RIMBP2: variants seen among roughly 807,000 people sequenced by gnomAD.
The protein encoded by RIMBP2 is RIMS binding protein 2, also known as RIMS-binding protein 2.
Under a neutral mutation model 118.6 loss-of-function variants are expected in RIMBP2, and 48 were observed. The observed-to-expected ratio is 0.40, with a 90% CI of 0.32 to 0.51. The LOEUF (loss-of-function observed/expected upper bound fraction) is 0.51. RIMBP2 is among the 20% of genes least tolerant of loss of function. RIMBP2 has a pLI of 0.41. For missense variants in RIMBP2, 1,551 were observed against 1,768.3 expected, an observed-to-expected ratio of 0.88 and a Z score of 2.20; for synonymous variants, 762 against 742.9, an observed-to-expected ratio of 1.03 and a Z score of -0.42.
At chr12:130,598,165 A>G (rs189977388) in intron 2 of RIMBP2, among the ~76,000 whole-genome samples, 16 of 152,384 alleles carry the variant, frequency 1.0e-4, no homozygotes, top group Admixed American at 2.0e-4. Flanking sequence ...ATCTACAGGC[A>G]CACTTGACAA....
chr12:130,594,419 A>T (rs1159867465), intron 2 of RIMBP2, among the ~76,000 whole-genome samples: 1 of 152,260 alleles, frequency 6.6e-6, no homozygotes, highest in Admixed American at 6.5e-5. Context: ...ATTGCATTGC[A>T]CATAGAAGAG....
intron 2 of RIMBP2, among the ~76,000 whole-genome samples, chr12:130,544,596 C>CTTTTTTTTT: frequency 9.9e-6 from 1 of 100,526 alleles, no homozygotes; most frequent in Non-Finnish European, 1.8e-5. Context: ...AACTGGAGGC[C>CTTTTTTTTT]TTTTTTTTTT....
chr12:130,647,400 AAAC>A (rs2063039416), intron 1 of RIMBP2, among the ~76,000 whole-genome samples: 1 of 109,360 alleles, frequency 9.1e-6, no homozygotes, highest in South Asian at 2.3e-4. Flanking sequence ...TAGCAGCTTA[AAAC>A]AACAGCCAAG....
At chr12:130,569,951 T>C (rs908242788) in intron 2 of RIMBP2, among the ~76,000 whole-genome samples, 50 of 152,162 alleles carry the variant, frequency 3.3e-4, no homozygotes, top group African/African-American at 1.0e-3. Flanking sequence ...AATGAACTCA[T>C]TGGAAACCTA....
intron 2 of RIMBP2, among the ~76,000 whole-genome samples, chr12:130,545,315 A>T (rs1033758881): frequency 6.6e-6 from 1 of 152,202 alleles, no homozygotes; most frequent in Non-Finnish European, 1.5e-5. Context: ...AACACATGAA[A>T]TGTGGCTGTC....
intron 18 of RIMBP2, 67 bp downstream of exon 18, chr12:130,414,058 C>G: frequency 6.6e-7 from 1 of 1,520,728 alleles, no homozygotes. Context: ...TGTTGCCAGT[C>G]TCTGCCCCCA....
At chr12:130,641,609 G>A (rs2062626964) in intron 1 of RIMBP2, among the ~76,000 whole-genome samples, 1 of 152,250 alleles carries the variant, frequency 6.6e-6, no homozygotes, top group Admixed American at 6.5e-5. Flanking sequence ...CTCATGGGCA[G>A]AGAGCCCCTC....
intron 2 of RIMBP2, among the ~76,000 whole-genome samples, chr12:130,529,969 G>C (rs892247588): frequency 1.3e-5 from 2 of 152,180 alleles, no homozygotes; most frequent in Non-Finnish European, 2.9e-5. Flanking sequence ...GTTCCTAACA[G>C]GCCACAGACC....
rs182247393 is a variant in RIMBP2, at chr12:130,420,541, G to C, written c.3238+1912C>G. Among the ~76,000 whole-genome samples the C allele has an allele frequency of 1.3e-5, 2 of 152,052 alleles. No homozygotes were observed. The highest frequency in any genetic ancestry group is 2.9e-5 in the Non-Finnish European group (2 of 68,020). Reference sequence around the variant, plus strand: ...ATCAAAAGTAGTTTCATTTGGGAAGGGTTTTTATGATACTAATAAAACTTT... The same window carrying C: ...ATCAAAAGTAGTTTCATTTGGGAAGCGTTTTTATGATACTAATAAAACTTT... On this transcript the variant is annotated intron_variant, in intron 17 of 22. Transcript: ENST00000690449. The surrounding 1 kb of genome is among the most constrained non-coding windows in gnomAD (Gnocchi z 4.3).
intron 15 of RIMBP2, chr12:130,426,705 G>GT (rs977211886): frequency 2.0e-5 from 3 of 152,410 alleles, no homozygotes; most frequent in African/African-American, 7.2e-5. Context: ...GGCTGTGCCT[G>GT]TGGGGGTGGG....
chr12:130,512,814 G>A (rs1478262322), intron 3 of RIMBP2, among the ~76,000 whole-genome samples: 1 of 152,172 alleles, frequency 6.6e-6, no homozygotes, highest in African/African-American at 2.4e-5. Context: ...TTCTTCCTTT[G>A]TCCTGATGAA....
At position 130,420,940 on chromosome 12, in the gene RIMBP2, C is replaced by A. The variant is rs887443139; in HGVS notation, c.3238+1513G>T. ...AGCGCCTACAGCATTAACTTCTCAGCGGCTACACCATCCCCAGGTCACTTC... is the reference window on the plus strand; with the variant it reads ...AGCGCCTACAGCATTAACTTCTCAGAGGCTACACCATCCCCAGGTCACTTC... On this transcript the variant is annotated intron_variant, in intron 17 of 22. Coordinates refer to ENST00000690449, the MANE Select transcript of RIMBP2 (RefSeq NM_001393629.1). The surrounding 1 kb of genome is among the most constrained non-coding windows in gnomAD (Gnocchi z 4.3). The A allele has an allele frequency of 1.3e-5, 2 of 152,188 alleles. No homozygotes were observed. Among genetic ancestry groups the A allele is most frequent in the Non-Finnish European group, 2.9e-5 (2 of 68,052 alleles). The allele number at this position is 152,188 out of a possible 1,614,324, so 9.4% of individuals were successfully genotyped here. A position where few individuals can be genotyped will look rare whatever the true frequency, so the allele number is the denominator to read the frequency against.
At position 130,572,358 on chromosome 12, in the gene RIMBP2, C is replaced by T. The variant is rs1250244268; in HGVS notation, c.-216-54441G>A. ...GTAACCCCAAACATGGAATCACCCCCGCAACCAGCAGTCACAAAAAACCCA... is the reference window on the plus strand; with the variant it reads ...GTAACCCCAAACATGGAATCACCCCTGCAACCAGCAGTCACAAAAAACCCA... On this transcript the variant is annotated intron_variant, in intron 2 of 22. Coordinates refer to ENST00000690449, the MANE Select transcript of RIMBP2 (RefSeq NM_001393629.1). Among the ~76,000 whole-genome samples, 5 of 152,142 alleles carry T rather than the reference C, an allele frequency of 3.3e-5. No homozygotes were observed. In the East Asian group the frequency reaches 5.8e-4, roughly 18 times the overall value.
At chr12:130,594,370 C>T (rs141691042) in intron 2 of RIMBP2, among the ~76,000 whole-genome samples, 113 of 152,296 alleles carry the variant, frequency 7.4e-4, no homozygotes, top group Non-Finnish European at 1.3e-3. Flanking sequence ...GTAAACAAGA[C>T]AGAAGATAAG....
intron 1 of RIMBP2, among the ~76,000 whole-genome samples, chr12:130,678,894 G>A (rs762956434): frequency 7.9e-5 from 12 of 152,156 alleles, no homozygotes; most frequent in Non-Finnish European, 1.3e-4. Flanking sequence ...CATAGTCAGC[G>A]GGGGCTTGGA....
chr12:130,412,778 C>G lies in RIMBP2; in HGVS notation c.3430G>C (p.Asp1144His), dbSNP rs11060869. The change falls in exon 19 of 23, where the codon GAT becomes CAT. Residue 1144 changes from aspartate (D) to histidine (H), a missense_variant. This residue lies in a region of RIMBP2 where 1,038 missense variants were observed against 1,125.1 expected (regional missense o/e 0.92). Coordinates refer to ENST00000690449, the MANE Select transcript of RIMBP2 (RefSeq NM_001393629.1). ...KEGQIIKVYG[D>H]KDADGFYRGE... Reference sequence around the variant, plus strand: ...CGGTAGAATCCATCAGCGTCTTTATCACCATAAACCTAGAGCCAAGGGGGA... The same window carrying G: ...CGGTAGAATCCATCAGCGTCTTTATGACCATAAACCTAGAGCCAAGGGGGA... The G allele has an allele frequency of 6.2e-7, 1 of 1,612,224 alleles. No homozygotes were observed. Among genetic ancestry groups the G allele is most frequent in the East Asian group, 2.2e-5 (1 of 44,846 alleles).
At chr12:130,448,740 C>T (rs1297215274) in intron 9 of RIMBP2, among the ~76,000 whole-genome samples, 1 of 152,244 alleles carries the variant, frequency 6.6e-6, no homozygotes, top group Non-Finnish European at 1.5e-5. Flanking sequence ...CCTGCCCCCA[C>T]CTGGGTGCAG....
intron 2 of RIMBP2, among the ~76,000 whole-genome samples, chr12:130,626,925 C>T (rs974782963): frequency 2.0e-5 from 3 of 151,536 alleles, no homozygotes; most frequent in Middle Eastern, 3.4e-3. Flanking sequence ...TCACGACTAC[C>T]GCCAGCATCA....
At chr12:130,549,727 A>C (rs941226828) in intron 2 of RIMBP2, among the ~76,000 whole-genome samples, 1 of 152,212 alleles carries the variant, frequency 6.6e-6, no homozygotes, top group African/African-American at 2.4e-5. Context: ...CATGGTGTAC[A>C]TGTACCACAT....
Sources: allele counts gnomAD v4.1 joint callset (sites outside exome capture counted in the v4.1 genomes callset), GRCh38; gene constraint gnomAD v4.1.1; regional missense constraint gnomAD v4.1.1; non-coding constraint Gnocchi (gnomAD v3.1); transcripts MANE v1.5; gene names NCBI Gene and HGNC (gene_info 2026-07-23, HGNC 2026-07-21).